Variants in BMPR1B observed in about 807,000 individuals in gnomAD.
The protein encoded by BMPR1B is bone morphogenetic protein receptor type-1B.
Under a neutral mutation model 59.1 loss-of-function variants are expected in BMPR1B, and 12 were observed. The observed-to-expected ratio is 0.20, with a 90% CI of 0.13 to 0.33. The LOEUF (loss-of-function observed/expected upper bound fraction) is 0.33. Among genes scored for constraint, BMPR1B ranks in the 10% least tolerant of loss-of-function variants. The pLI is 1.00. For synonymous variants in BMPR1B, 237 were observed against 207.3 expected, an observed-to-expected ratio of 1.14 and a Z score of -1.23; for missense variants, 550 against 610.9, an observed-to-expected ratio of 0.90 and a Z score of 1.05.
At chr4:94,811,425 C>T (rs946112681) in intron 1 of BMPR1B, among the ~76,000 whole-genome samples, 1 of 152,178 alleles carries the variant, frequency 6.6e-6, no homozygotes, top group African/African-American at 2.4e-5. Flanking sequence ...AGAGCTGAGG[C>T]ATAGGTCATC....
intron 3 of BMPR1B, among the ~76,000 whole-genome samples, chr4:95,077,022 A>T (rs911297813): frequency 2.6e-5 from 4 of 152,120 alleles, no homozygotes; most frequent in African/African-American, 9.6e-5. Context: ...TGTTGTCTTT[A>T]GAAGGCAGCA....
chr4:94,829,327 CTTTT>C (rs35278466), intron 1 of BMPR1B, among the ~76,000 whole-genome samples: 2 of 136,924 alleles, frequency 1.5e-5, no homozygotes. Flanking sequence ...TTTTATTTTC[CTTTT>C]TTTTTTTTTT....
At chr4:95,080,276 G>A (rs775579019) in intron 3 of BMPR1B, among the ~76,000 whole-genome samples, 14 of 152,152 alleles carry the variant, frequency 9.2e-5, no homozygotes, top group East Asian at 1.9e-4. Flanking sequence ...TTGCTCTGTC[G>A]CCCAGGATGG....
At position 95,014,310 on chromosome 4, in the gene BMPR1B, T is replaced by C. The variant is rs117636767; in HGVS notation, c.-18+18176T>C. ...GCATCCAAACTCAGAAGTTAGACTA[T>C]CTTATAATTCATAGAATCCACTGAA... On this transcript the variant is annotated intron_variant, in intron 3 of 12. Transcript: ENST00000515059. Among the ~76,000 whole-genome samples the C allele has an allele frequency of 2.0e-4, 30 of 152,304 alleles. No individual in the cohort carries two copies. The East Asian group carries it at 4.4e-3, about 22-fold the overall frequency.
At chr4:94,899,879 C>T (rs961135782) in intron 2 of BMPR1B, among the ~76,000 whole-genome samples, 77 of 152,114 alleles carry the variant, frequency 5.1e-4, no homozygotes, top group Admixed American at 1.8e-3. Flanking sequence ...TTTCCCTGTT[C>T]GCCCACACAT....
chr4:95,023,286 T>C (rs774564703), intron 3 of BMPR1B, among the ~76,000 whole-genome samples: 6 of 152,210 alleles, frequency 3.9e-5, no homozygotes, highest in Non-Finnish European at 5.9e-5. Flanking sequence ...ATGTTTTAAA[T>C]GTATATGTTC....
chr4:94,848,088 T>C (rs895913548), intron 1 of BMPR1B, among the ~76,000 whole-genome samples: 3 of 152,122 alleles, frequency 2.0e-5, no homozygotes, highest in African/African-American at 7.2e-5. Context: ...TTAAAAAAAT[T>C]CAAGGATGTA....
chr4:94,843,664 A>G (rs1180710730), intron 1 of BMPR1B, among the ~76,000 whole-genome samples: 2 of 100,750 alleles, frequency 2.0e-5, no homozygotes. Flanking sequence ...ATTCAATGAC[A>G]AATTAAATTT....
intron 1 of BMPR1B, among the ~76,000 whole-genome samples, chr4:94,803,055 TG>T (rs1723470334): frequency 6.6e-6 from 1 of 152,168 alleles, no homozygotes; most frequent in South Asian, 2.1e-4. Flanking sequence ...CCAGTGCTCA[TG>T]GTTGCAAGTG....
chr4:95,037,112 T>A (rs547903147), intron 3 of BMPR1B, among the ~76,000 whole-genome samples: 1 of 152,306 alleles, frequency 6.6e-6, no homozygotes, highest in Admixed American at 6.5e-5. Context: ...ATGTCCTAGC[T>A]ACAGAAGCTA....
intron 2 of BMPR1B, among the ~76,000 whole-genome samples, chr4:94,935,852 A>G (rs1187958276): frequency 2.0e-5 from 3 of 152,330 alleles, no homozygotes; most frequent in Non-Finnish European, 4.4e-5. Context: ...ATATATGGGC[A>G]TATGATTTCA....
intron 2 of BMPR1B, among the ~76,000 whole-genome samples, chr4:94,883,037 G>T (rs893916063): frequency 6.6e-6 from 1 of 151,052 alleles, no homozygotes; most frequent in South Asian, 2.1e-4. Flanking sequence ...TGTGTTTTTA[G>T]CCTGCACCCA....
intron 2 of BMPR1B, among the ~76,000 whole-genome samples, chr4:94,946,009 A>G (rs1729697130): frequency 6.6e-6 from 1 of 152,176 alleles, no homozygotes; most frequent in Admixed American, 6.5e-5. Flanking sequence ...AGAGTATTCT[A>G]AACAGATCAG....
At chr4:95,073,898 A>G (rs1305437757) in intron 3 of BMPR1B, among the ~76,000 whole-genome samples, 1 of 152,162 alleles carries the variant, frequency 6.6e-6, no homozygotes, top group Non-Finnish European at 1.5e-5. Context: ...AAAGATAAAA[A>G]CACTTTTAAG....
chr4:95,109,707 T>C (rs1275297780), intron 4 of BMPR1B, among the ~76,000 whole-genome samples: 6 of 151,518 alleles, frequency 4.0e-5, no homozygotes, highest in Non-Finnish European at 8.8e-5. Flanking sequence ...TTTTTATTAT[T>C]ATTATTATTA....
At chr4:95,065,021 G>A (rs1727690420) in intron 3 of BMPR1B, among the ~76,000 whole-genome samples, 1 of 151,990 alleles carries the variant, frequency 6.6e-6, no homozygotes, top group Non-Finnish European at 1.5e-5. Flanking sequence ...TTGACTCCTA[G>A]GTATATACCG....
intron 3 of BMPR1B, among the ~76,000 whole-genome samples, chr4:95,076,531 A>G (rs113571963): frequency 1.3e-5 from 2 of 152,098 alleles, no homozygotes; most frequent in African/African-American, 4.8e-5. Context: ...AAACTGTTCT[A>G]GGTACTAAAA....
At chr4:95,132,424 G>T (rs1733427425) in intron 10 of BMPR1B, among the ~76,000 whole-genome samples, 1 of 152,100 alleles carries the variant, frequency 6.6e-6, no homozygotes, top group Non-Finnish European at 1.5e-5. Context: ...GGTATTTTCG[G>T]CCAGAACTGA....
intron 4 of BMPR1B, among the ~76,000 whole-genome samples, chr4:95,109,006 TATATATTTTTTCTC>T (rs1731410099): frequency 6.6e-6 from 1 of 152,114 alleles, no homozygotes; most frequent in Non-Finnish European, 1.5e-5. Context: ...CAGCCTTGTT[TATATATTTTTTCTC>T]TATATAATCA....
Sources: allele counts gnomAD v4.1 joint callset (sites outside exome capture counted in the v4.1 genomes callset), GRCh38; gene constraint gnomAD v4.1.1; transcripts MANE v1.5; gene names NCBI Gene and HGNC (gene_info 2026-07-23, HGNC 2026-07-21).